The following TBC1D30 variants were observed in gnomAD, a reference collection of about 807,000 sequenced individuals.
TBC1D30 encodes TBC1 domain family, member 30.
Under a neutral mutation model 63.2 loss-of-function variants are expected in TBC1D30, and 31 were observed. That is an observed-to-expected ratio of 0.49 (90% confidence interval 0.37 to 0.66). The LOEUF (loss-of-function observed/expected upper bound fraction) is 0.66, where lower values mean the gene tolerates loss of function less well. Ranked by LOEUF, TBC1D30 falls within the 30% of genes least tolerant of loss-of-function variation. The probability of loss-of-function intolerance (pLI) is 0.00; values close to 1 mark genes in which losing one functional copy is unlikely to be tolerated. For synonymous variants in TBC1D30, 307 were observed against 361.5 expected, an observed-to-expected ratio of 0.85 and a Z score of 1.71; for missense variants, 810 against 953.6, an observed-to-expected ratio of 0.85 and a Z score of 1.98.
chr12:64,822,747 A>C (rs1424760620), upstream of TBC1D30, among the ~76,000 whole-genome samples: 1 of 150,554 alleles, frequency 6.6e-6, no homozygotes, highest in Non-Finnish European at 1.5e-5. Context: ...TCAAGTTCAA[A>C]TTGTTTCATC....
chr12:64,875,552 G>T lies in TBC1D30; in HGVS notation c.2050G>T (p.Glu684Ter). 6.5e-7 allele frequency: 1 copy of T among 1,536,160 alleles called. No individual in the cohort carries two copies. The change falls in exon 12 of 12, where the codon GAG becomes TAG. Residue 684 changes from glutamate to a stop codon, truncating the protein, a stop_gained. Coordinates refer to ENST00000539867, the MANE Select transcript of TBC1D30 (RefSeq NM_015279.2). LOFTEE classifies it low-confidence loss of function (END_TRUNC). ...VHPPCQRHCP[E>*]PPSAPEENKA... ...CCCACCCTGCCAGCGGCACTGCCCA[G>T]AGCCGCCGAGTGCACCCGAAGAAAA... is the stretch of plus-strand genomic sequence containing the variant.
upstream of TBC1D30, among the ~76,000 whole-genome samples, chr12:64,822,974 T>TG (rs1321756165): frequency 6.6e-6 from 1 of 152,066 alleles, no homozygotes; most frequent in Non-Finnish European, 1.5e-5. Flanking sequence ...CTGGGTGCTG[T>TG]GGGTGTTCAT....
At chr12:64,868,618 G>T in intron 10 of TBC1D30, 1 of 325,740 alleles carries the variant, frequency 3.1e-6, no homozygotes. Context: ...TTGATCTTCA[G>T]CTCTGCAAAA....
chr12:64,798,596 T>A (rs1364451140), intron 2 of TBC1D30, among the ~76,000 whole-genome samples: 33 of 152,172 alleles, frequency 2.2e-4, no homozygotes, highest in Admixed American at 2.2e-3. Flanking sequence ...CTGAAAGACC[T>A]CCTATTGTAA....
At chr12:64,777,706 C>T (rs75341857), upstream of TBC1D30, among the ~76,000 whole-genome samples, 5,555 of 152,242 alleles carry the variant, frequency 0.036, 374 homozygotes, top group African/African-American at 0.13. Context: ...AGATTCAATG[C>T]TTTTCCCATT....
At chr12:64,785,218 C>T (rs1485035890) in intron 1 of TBC1D30, among the ~76,000 whole-genome samples, 2 of 147,512 alleles carry the variant, frequency 1.4e-5, no homozygotes, top group African/African-American at 5.0e-5. Flanking sequence ...ATGGCGCGAT[C>T]TTGGCTCACT....
At chr12:64,831,383 A>G (rs932099671) in intron 4 of TBC1D30, among the ~76,000 whole-genome samples, 1 of 152,252 alleles carries the variant, frequency 6.6e-6, no homozygotes, top group African/African-American at 2.4e-5. Flanking sequence ...GCAGAGATGA[A>G]GTATCTCATA....
intron 7 of TBC1D30, among the ~76,000 whole-genome samples, chr12:64,842,715 AG>A (rs1372473931): frequency 6.6e-6 from 1 of 152,242 alleles, no homozygotes; most frequent in Non-Finnish European, 1.5e-5. Flanking sequence ...TAAGACCAAC[AG>A]AGTCCCTTAA....
intron 2 of TBC1D30, among the ~76,000 whole-genome samples, chr12:64,791,718 A>T (rs1275092406): frequency 1.3e-5 from 2 of 148,492 alleles, no homozygotes; most frequent in African/African-American, 2.5e-5. Flanking sequence ...GTATATATAT[A>T]TATGTTTTTT....
intron 2 of TBC1D30, among the ~76,000 whole-genome samples, chr12:64,786,325 AT>A (rs201306154): frequency 0.011 from 1,525 of 145,130 alleles, 32 homozygotes; most frequent in African/African-American, 0.041. Context: ...TTACAATTTT[AT>A]TTTATTTATT....
At chr12:64,865,444 A>G (rs1473948624) in intron 9 of TBC1D30, among the ~76,000 whole-genome samples, 1 of 152,020 alleles carries the variant, frequency 6.6e-6, no homozygotes, top group Non-Finnish European at 1.5e-5. Flanking sequence ...CCCAAATGGA[A>G]CAAAACCAAA....
upstream of TBC1D30, chr12:64,779,224 ACT>A (rs1871163477): frequency 6.6e-6 from 1 of 151,984 alleles, no homozygotes; most frequent in East Asian, 1.9e-4. Flanking sequence ...TTCAGTGTTT[ACT>A]CCTCTGAAAG....
At chr12:64,780,782 G>A (rs1871226928) in exon 1 of TBC1D30, 2 of 989,186 alleles carry the variant, frequency 2.0e-6, no homozygotes, top group African/African-American at 1.7e-5. Context: ...GGAGCAGCGG[G>A]AGCCGGGCAG....
In TBC1D30 at chr12:64,786,988, A is replaced by T. The variant is rs191930377; in HGVS notation, c.643+943A>T. On this transcript the variant is annotated intron_variant, in intron 2 of 12. Transcript: ENST00000542120. ...AAAAATAAAAATAAATAAATAAAACAGCATCACACAGACATAACCTAAAAG... is the reference window on the plus strand; with the variant it reads ...AAAAATAAAAATAAATAAATAAAACTGCATCACACAGACATAACCTAAAAG... Among the ~76,000 whole-genome samples, 508 of 152,228 alleles carry T rather than the reference A, an allele frequency of 3.3e-3. 7 individuals carry two copies. Among genetic ancestry groups the T allele is most frequent in the Non-Finnish European group, 2.3e-3 (158 of 68,006 alleles).
upstream of TBC1D30, chr12:64,779,416 AAAT>A (rs1214101739): frequency 1.3e-5 from 2 of 152,154 alleles, no homozygotes; most frequent in African/African-American, 2.4e-5. Flanking sequence ...TAAAACCATA[AAAT>A]AATATTTCCA....
At chr12:64,770,807 G>A (rs959021252) in intron 1 of TBC1D30, among the ~76,000 whole-genome samples, 3 of 151,198 alleles carry the variant, frequency 2.0e-5, no homozygotes, top group South Asian at 2.1e-4. Context: ...GGGCTCAAGC[G>A]ACTCCCCTTC....
chr12:64,832,192 T>A lies in TBC1D30; in HGVS notation c.482T>A (p.Val161Glu). ...AEQDRVVLKR[V>E]LLAYARWNKT... ...CAGGACAGGGTTGTGTTGAAGCGGG[T>A]GCTGCTGGCCTATGCCCGATGGAAC... Residue 161 changes from valine to glutamate, a missense_variant, in exon 5 of 12, where the codon GTG (valine) becomes GAG (glutamate). Val to Glu is a moderately radical substitution (Grantham distance 121). Transcript: ENST00000539867. 1 of 1,536,090 alleles carries A rather than the reference T, an allele frequency of 6.5e-7. No individual in the cohort carries two copies. The highest frequency in any genetic ancestry group is 8.7e-7 in the Non-Finnish European group (1 of 1,146,902).
At chr12:64,847,935 GT>G (rs1876532218) in intron 8 of TBC1D30, among the ~76,000 whole-genome samples, 2 of 149,652 alleles carry the variant, frequency 1.3e-5, no homozygotes, top group Admixed American at 6.7e-5. Context: ...GATTTTTTTT[GT>G]TGATTTTGTG....
intron 8 of TBC1D30, among the ~76,000 whole-genome samples, chr12:64,847,266 ATCT>A (rs1281444652): frequency 6.6e-6 from 1 of 150,482 alleles, no homozygotes. Context: ...GTTTATTTGG[ATCT>A]TCTCTCTTTT....
Sources: allele counts gnomAD v4.1 joint callset (sites outside exome capture counted in the v4.1 genomes callset), GRCh38; gene constraint gnomAD v4.1.1; transcripts MANE v1.5; gene names NCBI Gene and HGNC (gene_info 2026-07-23, HGNC 2026-07-21).